SERPINB1: variants seen among roughly 807,000 people sequenced by gnomAD.
SERPINB1 encodes the protein serpin family B member 1.
Under a neutral mutation model 25.9 loss-of-function variants are expected in SERPINB1, and 23 were observed. That is an observed-to-expected ratio of 0.89 (90% CI 0.64 to 1.26). The LOEUF (loss-of-function observed/expected upper bound fraction) is 1.26. SERPINB1 is among the 50% of genes most tolerant of loss of function. The probability of loss-of-function intolerance (pLI) is 0.00; values close to 1 mark genes in which losing one functional copy is unlikely to be tolerated. For synonymous variants in SERPINB1, 178 were observed against 178.7 expected, an observed-to-expected ratio of 1.00 and a Z score of 0.03; for missense variants, 399 against 463.6, an observed-to-expected ratio of 0.86 and a Z score of 1.28.
rs371953084 is a variant in SERPINB1 at position 2,840,377 on chromosome 6, G to A, written c.168+42C>T. Reference sequence around the variant, plus strand: ...TCCATGCAGACTGTCCATTCGTAGGGAGATGGGAGGAAAGCAGACCCTTTT... The same window carrying A: ...TCCATGCAGACTGTCCATTCGTAGGAAGATGGGAGGAAAGCAGACCCTTTT... On this transcript the variant is annotated intron_variant, in intron 2 of 6. Transcript: ENST00000380739. 4.3e-5 allele frequency: 69 copies of A among 1,609,046 alleles called. No homozygotes were observed. In the African/African-American group the frequency reaches 7.5e-4, roughly 17 times the overall value.
At chr6:2,835,065 T>A (rs1382591320) in intron 6 of SERPINB1, among the ~76,000 whole-genome samples, 1 of 152,234 alleles carries the variant, frequency 6.6e-6, no homozygotes, top group Non-Finnish European at 1.5e-5. Flanking sequence ...CATTGATTGT[T>A]ATACAATGTA....
Position 2,840,733 on chromosome 6 carries a change from T to C in SERPINB1, c.-8-139A>G, listed in dbSNP as rs566852238. 4.4e-5 allele frequency: 34 copies of C among 773,254 alleles called. No homozygotes were observed. In the East Asian group the frequency reaches 7.4e-4, roughly 17 times the overall value. 47.9% of individuals were successfully genotyped at this position (773,254 alleles called of 1,614,324 possible). On this transcript the variant is annotated intron_variant, in intron 1 of 6. Transcript: ENST00000380739. The stretch of plus-strand genomic sequence containing the variant: ...ATCTTGTACTTTCTCCCCGCTTTTT[T>C]ATTCCAGCAGGGCAAGAACACTTTC...
At chr6:2,839,070 A>G (rs992739207) in intron 2 of SERPINB1, among the ~76,000 whole-genome samples, 2 of 152,240 alleles carry the variant, frequency 1.3e-5, no homozygotes, top group Admixed American at 1.3e-4. Flanking sequence ...AGAAATAAGC[A>G]GTAAAAATAG....
chr6:2,838,762 T>A, intron 2 of SERPINB1, 76 bp from the exon 3 acceptor site: 2 of 1,157,142 alleles, frequency 1.7e-6, no homozygotes, highest in Non-Finnish European at 1.2e-6. Flanking sequence ...TTTCCTTCTA[T>A]CACATTAAAT....
In SERPINB1 at chr6:2,837,991, C is replaced by G; in HGVS notation, c.315G>C (p.Leu105Phe). The G allele has an allele frequency of 6.2e-7, 1 of 1,609,610 alleles. No individual in the cohort carries two copies. Among genetic ancestry groups the G allele is most frequent in the South Asian group, 1.1e-5 (1 of 90,548 alleles). The change falls in exon 4 of 7, where the codon TTG becomes TTC. Residue 105 changes from leucine (L) to phenylalanine (F), a missense_variant. Physicochemically the swap from Leu to Phe is conservative, Grantham distance 22 (BLOSUM62 0). Coordinates refer to ENST00000380739, the MANE Select transcript of SERPINB1 (RefSeq NM_030666.4). This position sits in a 1 kb window ranked among gnomAD's most constrained non-coding sequence, Gnocchi z 4.3. ...CACCATATGTTTTCTGAGTCGAAACCAAGAACTCCTATTAAAAAAAAGGAA... is the reference window on the plus strand; with the variant it reads ...CACCATATGTTTTCTGAGTCGAAACGAAGAACTCCTATTAAAAAAAAGGAA... ...EKTYNFLPEF[L>F]VSTQKTYGAD...
Position 2,833,721 on chromosome 6 carries a change from A to C in SERPINB1, c.1027T>G (p.Phe343Val). The C allele has an allele frequency of 6.2e-7, 1 of 1,614,216 alleles. No individual in the cohort carries two copies. The highest frequency in any genetic ancestry group is 8.5e-7 in the Non-Finnish European group (1 of 1,180,038). The change falls in exon 7 of 7, where the codon TTC becomes GTC. Residue 343 changes from phenylalanine to valine, a missense_variant. Phe to Val is a conservative substitution (Grantham distance 50, BLOSUM62 -1). Coordinates refer to ENST00000380739, the MANE Select transcript of SERPINB1 (RefSeq NM_030666.4). ...AAAATAGIAT[F>V]CMLMPEENFT... The stretch of plus-strand genomic sequence containing the variant: ...TTTTCTTCGGGCATCAACATGCAGA[A>C]AGTTGCGATGCCTGCTGTGGCAGCT...
At position 2,837,430 on chromosome 6, in the gene SERPINB1, TACC is replaced by T. The variant is rs1766523842; in HGVS notation, c.424+449_424+451del. Among the ~76,000 whole-genome samples the T allele has an allele frequency of 6.6e-6, 1 of 151,934 alleles. No homozygotes were observed. Among genetic ancestry groups the T allele is most frequent in the Admixed American group, 6.6e-5 (1 of 15,246 alleles). The stretch of plus-strand genomic sequence containing the variant: ...AGTAGCTGGGATTACAGGTGTGTGC[TACC>T]ACACCTGGCTAAATTTTTTGTATTT... On this transcript the variant is annotated intron_variant, in intron 4 of 6. Transcript: ENST00000380739. The surrounding 1 kb of genome is among the most constrained non-coding windows in gnomAD (Gnocchi z 4.3).
Position 2,835,972 on chromosome 6 carries a change from C to T in SERPINB1, c.619G>A (p.Gly207Ser). 1 of 1,614,178 alleles carries T rather than the reference C, an allele frequency of 6.2e-7. No homozygotes were observed. Among genetic ancestry groups the T allele is most frequent in the Non-Finnish European group, 8.5e-7 (1 of 1,180,036 alleles). Residue 207 changes from glycine to serine, a missense_variant, in exon 6 of 7, where the codon GGC becomes AGC. Coordinates refer to ENST00000380739, the MANE Select transcript of SERPINB1 (RefSeq NM_030666.4). The stretch of plus-strand genomic sequence containing the variant: ...CGGCACTTAAGGTCCTCGATGTAGC[C>T]ATATGCAAATTTTTTCTTCTGATAC... Reference protein sequence around the residue: ...MMYQKKKFAYGYIEDLKCRVL... With the variant: ...MMYQKKKFAYSYIEDLKCRVL...
intron 2 of SERPINB1, among the ~76,000 whole-genome samples, chr6:2,838,994 A>G (rs1431323513): frequency 6.6e-6 from 1 of 152,220 alleles, no homozygotes; most frequent in African/African-American, 2.4e-5. Flanking sequence ...CCTTTTCCAA[A>G]GAAAATAATA....
intron 2 of SERPINB1, chr6:2,839,252 G>T: frequency 1.1e-6 from 1 of 934,220 alleles, no homozygotes; most frequent in Non-Finnish European, 1.3e-6. Flanking sequence ...GCCCTTTGTG[G>T]TTTTATGAGA....
At chr6:2,836,063 T>C in intron 5 of SERPINB1, 40 bp from the exon 6 acceptor site, 1 of 1,613,870 alleles carries the variant, frequency 6.2e-7, no homozygotes, top group Non-Finnish European at 8.5e-7. Flanking sequence ...ATTCTCTGCA[T>C]TCTTTTAGAG....
chr6:2,835,145 G>A (rs574437876), intron 6 of SERPINB1, among the ~76,000 whole-genome samples: 1 of 152,300 alleles, frequency 6.6e-6, no homozygotes, highest in East Asian at 1.9e-4. Context: ...TGAATAGGTG[G>A]ATAGGGAGGA....
At position 2,837,528 on chromosome 6, in the gene SERPINB1, G is replaced by A. The variant is rs778443661; in HGVS notation, c.424+354C>T. On this transcript the variant is annotated intron_variant, in intron 4 of 6. Transcript: ENST00000380739. The surrounding 1 kb of genome is among the most constrained non-coding windows in gnomAD (Gnocchi z 4.3). ...ACTCCTGACCTCAAATGATCCGCCC[G>A]CCTTGGGCTCCCAAAGTGCTGGGAT... Among the ~76,000 whole-genome samples the A allele has an allele frequency of 1.3e-5, 2 of 152,142 alleles. No individual in the cohort carries two copies. The highest frequency in any genetic ancestry group is 6.5e-5 in the Admixed American group (1 of 15,274).
Position 2,836,093 on chromosome 6 carries a change from GTTA to G in SERPINB1, c.567+12_567+14del, listed in dbSNP as rs760939954. The G allele has an allele frequency of 1.9e-5, 30 of 1,613,818 alleles. No homozygotes were observed. The Admixed American group carries it at 5.0e-4, about 27-fold the overall frequency. ...TTAGAGCAATGCATGACTCTGTACA[GTTA>G]CCTCACCTCACCTTATTCAATCTGA... is the stretch of plus-strand genomic sequence containing the variant. On this transcript the variant is annotated intron_variant, in intron 5 of 6. Transcript: ENST00000380739.
At chr6:2,835,186 T>C (rs1438492073) in intron 6 of SERPINB1, among the ~76,000 whole-genome samples, 1 of 152,176 alleles carries the variant, frequency 6.6e-6, no homozygotes, top group Non-Finnish European at 1.5e-5. Context: ...CTAGAGTCCC[T>C]ACATATAATG....
At position 2,838,643 on chromosome 6, in the gene SERPINB1, T is replaced by C. The variant is rs1283010911; in HGVS notation, c.212A>G (p.Gln71Arg). 4 of 1,609,106 alleles carry C rather than the reference T, an allele frequency of 2.5e-6. No individual in the cohort carries two copies. Among genetic ancestry groups the C allele is most frequent in the African/African-American group, 2.7e-5 (2 of 74,756 alleles). The change falls in exon 3 of 7, where the codon CAG becomes CGG. Residue 71 changes from glutamine (Q) to arginine (R), a missense_variant. Coordinates refer to ENST00000380739, the MANE Select transcript of SERPINB1 (RefSeq NM_030666.4). ...NTVEEVHSRFQSLNADINKRG... is the reference protein window; with the variant it reads ...NTVEEVHSRFRSLNADINKRG... ...TTTGTTGATATCAGCATTCAGACTC[T>C]GGAATCTTGAATGAACCTCTTCAAC...
chr6:2,836,246 T>G lies in SERPINB1; in HGVS notation c.429A>C (p.Lys143Asn), dbSNP rs1766491126. 1 of 1,582,736 alleles carries G rather than the reference T, an allele frequency of 6.3e-7. No homozygotes were observed. Among genetic ancestry groups the G allele is most frequent in the Non-Finnish European group, 8.5e-7 (1 of 1,169,982 alleles). ...NQWVKGQTEG[K>N]IPELLASGMV... The stretch of plus-strand genomic sequence containing the variant: ...TGCCCGAAGCCAACAGTTCCGGAAT[T>G]TTTCCTAAAAAAAAATCAAGTTAGC... The change falls in exon 5 of 7, where the codon AAA (lysine) becomes AAC (asparagine). Residue 143 changes from lysine to asparagine, a missense_variant. By Grantham distance (94) the Lys-to-Asn change is moderately conservative. Transcript: ENST00000380739.
chr6:2,833,944 T>C lies in SERPINB1; in HGVS notation c.804A>G (p.Glu268=). The C allele has an allele frequency of 6.2e-7, 1 of 1,613,912 alleles. No homozygotes were observed. The highest frequency in any genetic ancestry group is 8.5e-7 in the Non-Finnish European group (1 of 1,179,974). ...WTKPENLDFI[E]VNVSLPRFKL... ...TGAACCTGGGCAAGCTGACATTAAC[T>C]TCAATGAAATCGAGATTCTCAGGTT... Residue 268 remains glutamate (E), a synonymous_variant, in exon 7 of 7, where the codon GAA becomes GAG. Transcript: ENST00000380739.
intron 6 of SERPINB1, among the ~76,000 whole-genome samples, chr6:2,834,241 G>T (rs1330279749): frequency 6.6e-6 from 1 of 151,848 alleles, no homozygotes; most frequent in Non-Finnish European, 1.5e-5. Flanking sequence ...TTGTACATTG[G>T]GTCCATCATC....
Sources: allele counts gnomAD v4.1 joint callset (sites outside exome capture counted in the v4.1 genomes callset), GRCh38; gene constraint gnomAD v4.1.1; non-coding constraint Gnocchi (gnomAD v3.1); transcripts MANE v1.5; gene names NCBI Gene and HGNC (gene_info 2026-07-23, HGNC 2026-07-21).